The following PDE4A variants were observed in gnomAD, a reference collection of about 807,000 sequenced individuals.
PDE4A encodes the protein phosphodiesterase 4A.
In PDE4A, 21 loss-of-function variants were observed where a neutral mutation model predicts 73.9. That is an observed-to-expected ratio of 0.28 (90% CI 0.20 to 0.41). The LOEUF is 0.41. Among genes scored for constraint, PDE4A ranks in the 10% least tolerant of loss-of-function variants. The probability of loss-of-function intolerance (pLI) is 1.00; values close to 1 mark genes in which losing one functional copy is unlikely to be tolerated. For synonymous variants in PDE4A, 463 were observed against 505.4 expected, an observed-to-expected ratio of 0.92 and a Z score of 1.13; for missense variants, 958 against 1,211.4, an observed-to-expected ratio of 0.79 and a Z score of 3.10.
At chr19:10,432,394 C>T (rs939841006) in intron 1 of PDE4A, 2 of 1,358,034 alleles carry the variant, frequency 1.5e-6, no homozygotes, top group South Asian at 3.8e-5. Context: ...ACCGCCCTGC[C>T]GCCGTCCCCA....
At chr19:10,455,666 TTAGCACTCACTTG>T (rs2043159150) in intron 7 of PDE4A, among the ~76,000 whole-genome samples, 1 of 151,026 alleles carries the variant, frequency 6.6e-6, no homozygotes, top group Non-Finnish European at 1.5e-5. Context: ...CCTCTTTGTT[TTAGCACTCACTTG>T]AACCCGGGAG....
rs1230228183 is a variant in PDE4A, at chr19:10,467,669, C to T, written c.*48C>T. 1 of 1,411,746 alleles carries T rather than the reference C, an allele frequency of 7.1e-7. No homozygotes were observed. The highest frequency in any genetic ancestry group is 2.3e-5 in the Admixed American group (1 of 44,202). 87.5% of individuals were successfully genotyped at this position (1,411,746 alleles called of 1,614,324 possible). ...CCCCTCCACTCCTCCCCTCACTCCCCTGCTCCCCCGACCACCTCCTCCTCT... is the reference window on the plus strand; with the variant it reads ...CCCCTCCACTCCTCCCCTCACTCCCTTGCTCCCCCGACCACCTCCTCCTCT... On this transcript the variant is annotated 3_prime_UTR_variant, in exon 15 of 15. Transcript: ENST00000380702.
rs1319193486 is a variant in PDE4A at position 10,459,746 on chromosome 19, C to T, written c.1352C>T (p.Thr451Met). ...VLQSTHVLLA[T>M]PALDAVFTDL... ...CAGTCCACCCACGTACTGCTGGCCA[C>T]GCCTGCACTAGATGTGAGTGACTGC... is the stretch of plus-strand genomic sequence containing the variant. The change falls in exon 10 of 15, where the codon ACG becomes ATG. Residue 451 changes from threonine to methionine, a missense_variant. By Grantham distance (81) the Thr-to-Met change is moderately conservative. Around this residue, in one of 3 missense-constraint regions of PDE4A, gnomAD observed 570 missense variants for 827.7 expected, o/e 0.69. Coordinates refer to ENST00000380702, the MANE Select transcript of PDE4A (RefSeq NM_001111307.2). 7.5e-6 allele frequency: 12 copies of T among 1,610,684 alleles called. No individual in the cohort carries two copies. The highest frequency in any genetic ancestry group is 2.7e-5 in the African/African-American group (2 of 74,898).
chr19:10,466,776 G>A, intron 14 of PDE4A, 111 bp from the exon 15 acceptor site: 13 of 1,491,252 alleles, frequency 8.7e-6, no homozygotes, highest in South Asian at 1.3e-5. Flanking sequence ...TTATAGACAT[G>A]AGCCACCATG....
chr19:10,422,456 T>C (rs1461110040), intron 1 of PDE4A, among the ~76,000 whole-genome samples: 1 of 152,082 alleles, frequency 6.6e-6, no homozygotes, highest in East Asian at 1.9e-4. Context: ...TGCTCCAGGG[T>C]CTGATTGCTT....
chr19:10,447,241 T>A (rs2043020656), intron 2 of PDE4A, among the ~76,000 whole-genome samples: 1 of 127,292 alleles, frequency 7.9e-6, no homozygotes. Flanking sequence ...TTTTTTTTTT[T>A]TTGAGACAGA....
intron 4 of PDE4A, 128 bp from the exon 5 acceptor site, chr19:10,450,475 G>A: frequency 6.9e-7 from 1 of 1,450,214 alleles, no homozygotes; most frequent in Non-Finnish European, 9.1e-7. Context: ...CAGAGTACAT[G>A]GCAGCGTCCT....
chr19:10,465,683 C>CTTTTTTTTTTTTTTTTTTTTT (rs749126870), intron 14 of PDE4A, among the ~76,000 whole-genome samples: 2 of 48,380 alleles, frequency 4.1e-5, no homozygotes, highest in Non-Finnish European at 7.3e-5. Context: ...GTGGCTTTAG[C>CTTTTTTTTTTTTTTTTTTTTT]TTTTTTTTTT....
intron 13 of PDE4A, among the ~76,000 whole-genome samples, chr19:10,462,398 C>T (rs1379031472): frequency 6.6e-6 from 1 of 151,770 alleles, no homozygotes; most frequent in Non-Finnish European, 1.5e-5. Flanking sequence ...GTGATCCCCC[C>T]CCGCCCCCCG....
At chr19:10,465,051 A>G (rs1280012861) in intron 14 of PDE4A, among the ~76,000 whole-genome samples, 11 of 151,748 alleles carry the variant, frequency 7.2e-5, no homozygotes, top group East Asian at 5.9e-4. Flanking sequence ...GTGAAACCCA[A>G]CCATCTGAGT....
chr19:10,453,084 G>A lies in PDE4A; in HGVS notation c.784-1745G>A. 7.4e-7 allele frequency: 1 copy of A among 1,353,700 alleles called. No homozygotes were observed. The highest frequency in any genetic ancestry group is 9.5e-7 in the Non-Finnish European group (1 of 1,055,776). 83.9% of individuals were successfully genotyped at this position (1,353,700 alleles called of 1,614,324 possible). A position where few individuals can be genotyped will look rare whatever the true frequency, so the allele number is the denominator to read the frequency against. ...GCTGGCGGGCCATGTAACCAGGGCT[G>A]CTGCTGGGAGCGCGGAGGGGAAGGG... On this transcript the variant is annotated intron_variant, in intron 6 of 14. Coordinates refer to ENST00000380702, the MANE Select transcript of PDE4A (RefSeq NM_001111307.2). This position sits in a 1 kb window ranked among gnomAD's most constrained non-coding sequence, Gnocchi z 4.6.
chr19:10,453,185 TC>T lies in PDE4A; in HGVS notation c.784-1640del. On this transcript the variant is annotated intron_variant, in intron 6 of 14. Transcript: ENST00000380702. This position sits in a 1 kb window ranked among gnomAD's most constrained non-coding sequence, Gnocchi z 4.6. Reference sequence around the variant, plus strand: ...CACTACCCACCTGCCCGGCACCCCCTCCCCAGTGGTTGTTAACCCCGGGACT... The same window carrying T: ...CACTACCCACCTGCCCGGCACCCCCTCCCAGTGGTTGTTAACCCCGGGACT... The T allele has an allele frequency of 1.3e-6, 2 of 1,490,722 alleles. No homozygotes were observed. 92.3% of individuals were successfully genotyped at this position (1,490,722 alleles called of 1,614,324 possible).
intron 1 of PDE4A, among the ~76,000 whole-genome samples, chr19:10,425,928 G>A (rs1255643278): frequency 6.8e-6 from 1 of 147,948 alleles, no homozygotes; most frequent in African/African-American, 2.5e-5. Context: ...CGGAGGTTGC[G>A]GTGAGCCGAG....
intron 11 of PDE4A, 62 bp from the exon 12 acceptor site, chr19:10,461,464 G>T: frequency 6.3e-7 from 1 of 1,590,566 alleles, no homozygotes; most frequent in South Asian, 1.1e-5. Flanking sequence ...GGGCGGAGCT[G>T]GCCCTCCTGC....
Position 10,454,908 on chromosome 19 carries a change from C to T in PDE4A, c.863C>T (p.Ser288Phe), listed in dbSNP as rs958544914. 1.2e-6 allele frequency: 2 copies of T among 1,613,912 alleles called. No homozygotes were observed. Among genetic ancestry groups the T allele is most frequent in the African/African-American group, 1.3e-5 (1 of 74,910 alleles). Residue 288 changes from serine to phenylalanine, a missense_variant, in exon 7 of 15, where the codon TCC becomes TTC. Ser to Phe is a radical substitution (Grantham distance 155, BLOSUM62 -2). Coordinates refer to ENST00000380702, the MANE Select transcript of PDE4A (RefSeq NM_001111307.2). ...RSGNQVSEYI[S>F]TTFLDKQNEV... ...GGAAACCAGGTCTCAGAGTACATTT[C>T]CACAACATTCCTGGGTGAGTGAGGG...
chr19:10,426,176 A>G (rs1383057160), intron 1 of PDE4A, among the ~76,000 whole-genome samples: 4 of 151,830 alleles, frequency 2.6e-5, no homozygotes, highest in African/African-American at 9.7e-5. Context: ...ACAAAAAGAA[A>G]AAAATAAAAG....
chr19:10,446,464 C>A (rs992022222), intron 2 of PDE4A, 55 bp downstream of exon 2: 4 of 1,567,836 alleles, frequency 2.6e-6, no homozygotes, highest in Non-Finnish European at 3.5e-6. Flanking sequence ...CTGCTGGAAG[C>A]TGCCCTTCCC....
rs780267574 is a variant in PDE4A, at chr19:10,467,423, C to G, written c.2463C>G (p.Leu821=). The change falls in exon 15 of 15, where the codon CTC becomes CTG. Residue 821 remains leucine (L), a synonymous_variant. Coordinates refer to ENST00000380702, the MANE Select transcript of PDE4A (RefSeq NM_001111307.2). ...CCCTGGCTCTTCAAAGCCCCCTTCT[C>G]CCTGCTTGGAGGACCCTGTCTGTTT... ...PSALALQSPL[L]PAWRTLSVSE... is the part of the protein sequence containing the mutation. 5.6e-6 allele frequency: 9 copies of G among 1,613,846 alleles called. No individual in the cohort carries two copies. In the African/African-American group the frequency reaches 6.7e-5, roughly 12 times the overall value.
At chr19:10,416,794 A>C, upstream of PDE4A, 1 of 1,517,008 alleles carries the variant, frequency 6.6e-7, no homozygotes, top group Non-Finnish European at 8.8e-7. Context: ...AGGAGAGGCA[A>C]TAGGCAAGTG....
Sources: gnomAD v4.1 joint callset for allele counts (sites outside exome capture counted in the v4.1 genomes callset) on GRCh38, gnomAD v4.1.1 for gene constraint, gnomAD v4.1.1 regional missense constraint, Gnocchi (gnomAD v3.1) non-coding constraint, MANE v1.5 for transcripts, NCBI Gene and HGNC (gene_info 2026-07-23, HGNC 2026-07-21) for gene names.